ACSL4: variants seen among roughly 807,000 people sequenced by gnomAD.
ACSL4 encodes the protein acyl-CoA synthetase long chain family member 4.
A neutral mutation model predicts 49.1 loss-of-function variants in ACSL4; 9 were observed. The observed-to-expected ratio is 0.18, with a 90% CI of 0.11 to 0.32. The LOEUF is 0.32. Among genes scored for constraint, ACSL4 ranks in the 10% least tolerant of loss-of-function variants. The pLI is 1.00. For missense variants in ACSL4, 333 were observed against 493.7 expected (o/e 0.67, Z 3.08); for synonymous variants, 191 against 170.3 (o/e 1.12, Z -0.95).
chrX:109,726,023 C>T (rs1314149744), intron 1 of ACSL4, among the ~76,000 whole-genome samples: 1 of 111,880 alleles, frequency 8.9e-6, no homozygotes, highest in Non-Finnish European at 1.9e-5. Context: ...AAATCCCAGA[C>T]ATCATATTAT....
intron 1 of ACSL4, among the ~76,000 whole-genome samples, chrX:109,727,535 T>C (rs1222384025): frequency 8.9e-6 from 1 of 111,897 alleles, no homozygotes; most frequent in Non-Finnish European, 1.9e-5. Flanking sequence ...GCATTCCTTA[T>C]TGCTGCTCCT....
intron 5 of ACSL4, 23 bp from the exon 6 acceptor site, chrX:109,681,159 AAC>A: frequency 8.3e-7 from 1 of 1,210,104 alleles, no homozygotes; most frequent in Non-Finnish European, 1.1e-6. Flanking sequence ...AAGAAAAAAA[AAC>A]AGCTATTAAA....
intron 8 of ACSL4, 103 bp from the exon 9 acceptor site, chrX:109,674,576 C>G (rs944229726): frequency 5.2e-6 from 3 of 573,903 alleles, no homozygotes; most frequent in African/African-American, 4.6e-5. Flanking sequence ...GGAATTTGAG[C>G]TTTTATTGCT....
At chrX:109,659,818 T>G (rs1247850433) in intron 14 of ACSL4, among the ~76,000 whole-genome samples, 1 of 110,998 alleles carries the variant, frequency 9.0e-6, no homozygotes, top group Non-Finnish European at 1.9e-5. Context: ...GATATCCACA[T>G]GCAATGAATG....
intron 1 of ACSL4, among the ~76,000 whole-genome samples, chrX:109,701,645 C>T (rs1323808736): frequency 2.0e-5 from 2 of 101,500 alleles, no homozygotes; most frequent in Non-Finnish European, 4.0e-5. Context: ...TCACGGTTCA[C>T]ACCATTCTCC....
chrX:109,708,663 G>C (rs143735086), intron 1 of ACSL4, among the ~76,000 whole-genome samples: 1 of 111,884 alleles, frequency 8.9e-6, no homozygotes, highest in Admixed American at 9.5e-5. Flanking sequence ...ATGTCAAAAC[G>C]TGACTAACAA....
rs187329879 is a variant in ACSL4, at chrX:109,687,624, T to C, written c.-12-4249A>G. 6.6e-4 allele frequency among the ~76,000 whole-genome samples: 74 copies of C among 111,496 alleles called. 1 individual carries two copies. In the Admixed American group the frequency reaches 6.7e-3, roughly 10 times the overall value. On this transcript the variant is annotated intron_variant, in intron 2 of 15. Transcript: ENST00000672401. Reference sequence around the variant, plus strand: ...ATAGCATTAGGAGAAATACCTAACGTAGATGATGGGTTGATGGGTGCAGCA... The same window carrying C: ...ATAGCATTAGGAGAAATACCTAACGCAGATGATGGGTTGATGGGTGCAGCA...
In ACSL4 at chrX:109,713,156, CA is replaced by C. The variant is rs1926878234; in HGVS notation, c.-65-16961del. The stretch of plus-strand genomic sequence containing the variant: ...GTGAAGAGTGCTAAAGCAACATCAG[CA>C]GCTTGTCTATAACGTGCCACTGGGT... On this transcript the variant is annotated intron_variant, in intron 1 of 15. Coordinates refer to ENST00000672401, the MANE Select transcript of ACSL4 (RefSeq NM_001318510.2). 2.7e-5 allele frequency among the ~76,000 whole-genome samples: 3 copies of C among 111,054 alleles called. No homozygotes were observed. In the South Asian group the frequency reaches 1.1e-3, roughly 42 times the overall value.
Position 109,681,124 on chromosome X carries a change from C to G in ACSL4, c.529G>C (p.Asp177His), listed in dbSNP as rs181062385. The part of the protein sequence containing the change: ...LESKLKTALL[D>H]ISCVKHIIYV... ...ATGATATGTTTAACACAACTGATATCTAACAATGCAGTCTGTTGAGCAGAA... is the reference window on the plus strand; with the variant it reads ...ATGATATGTTTAACACAACTGATATGTAACAATGCAGTCTGTTGAGCAGAA... The change falls in exon 6 of 16, where the codon GAT becomes CAT. Residue 177 changes from aspartate to histidine, a missense_variant. Asp to His is a moderately conservative substitution (Grantham distance 81). Transcript: ENST00000672401. 40 of 1,208,512 alleles carry G rather than the reference C, an allele frequency of 3.3e-5. No individual in the cohort carries two copies. In the East Asian group the frequency reaches 1.2e-3, roughly 36 times the overall value.
intron 9 of ACSL4, among the ~76,000 whole-genome samples, chrX:109,670,422 C>T (rs138073216): frequency 0.026 from 2,807 of 108,467 alleles, 85 homozygotes; most frequent in African/African-American, 0.087. Context: ...CCGTCTCTAC[C>T]AAAAATACAA....
Position 109,644,181 on chromosome X carries a change from A to G in ACSL4, c.1861T>C (p.Leu621=). ...TTGATTGGAATTTCAAATCGCTCCA[A>G]TTTCACTGAAATTAGAAGTGAAAGA... ...EIREAANAMK[L]ERFEIPIKVR... The change falls in exon 16 of 16, where the codon TTG becomes CTG. Residue 621 remains leucine (L), a synonymous_variant. Transcript: ENST00000672401. 1 of 1,205,996 alleles carries G rather than the reference A, an allele frequency of 8.3e-7. No individual in the cohort carries two copies. Among genetic ancestry groups the G allele is most frequent in the Non-Finnish European group, 1.1e-6 (1 of 891,660 alleles).
At chrX:109,718,984 A>G (rs1203508555) in intron 1 of ACSL4, among the ~76,000 whole-genome samples, 3 of 111,404 alleles carry the variant, frequency 2.7e-5, no homozygotes, top group Non-Finnish European at 5.6e-5. Flanking sequence ...TGATCCTTCA[A>G]TCAGAGGGGG....
In ACSL4 at chrX:109,643,779, C is replaced by A; in HGVS notation, c.*250G>T. 3.2e-6 allele frequency: 1 copy of A among 310,158 alleles called. No homozygotes were observed. Among genetic ancestry groups the A allele is most frequent in the South Asian group, 7.1e-5 (1 of 14,050 alleles). 25.6% of individuals were successfully genotyped at this position (310,158 alleles called of 1,213,427 possible). On this transcript the variant is annotated 3_prime_UTR_variant, in exon 16 of 16. Coordinates refer to ENST00000672401, the MANE Select transcript of ACSL4 (RefSeq NM_001318510.2). ...TATATCTTAGGCTAATTTTTAAAAACAGAATTTCTGCTCTATAATAACACA... is the reference window on the plus strand; with the variant it reads ...TATATCTTAGGCTAATTTTTAAAAAAAGAATTTCTGCTCTATAATAACACA...
chrX:109,732,366 G>T (rs1025821185), intron 1 of ACSL4, among the ~76,000 whole-genome samples: 2 of 111,486 alleles, frequency 1.8e-5, no homozygotes, highest in Non-Finnish European at 3.8e-5. Flanking sequence ...GTAACCCCTT[G>T]ATGGGGTTAG....
chrX:109,683,415 G>T (rs140779266), intron 2 of ACSL4, 40 bp from the exon 3 acceptor site: 1 of 1,211,221 alleles, frequency 8.3e-7, no homozygotes, highest in South Asian at 1.8e-5. Flanking sequence ...TAAATATAAG[G>T]GCACTGTATA....
chrX:109,695,349 C>A (rs374688719), intron 2 of ACSL4, among the ~76,000 whole-genome samples: 14 of 94,504 alleles, frequency 1.5e-4, no homozygotes, highest in Non-Finnish European at 1.3e-4. Context: ...CATCTTGGGG[C>A]AAAAAAAAAA....
intron 4 of ACSL4, among the ~76,000 whole-genome samples, 177 bp from the exon 5 acceptor site, chrX:109,681,552 C>G (rs191064798): frequency 3.8e-4 from 43 of 111,797 alleles, no homozygotes; most frequent in African/African-American, 1.3e-3. Flanking sequence ...CCCTGGGAGC[C>G]CAAAGTTTTC....
Position 109,658,198 on chromosome X carries a change from G to A in ACSL4, c.1855+1156C>T, listed in dbSNP as rs185406852. On this transcript the variant is annotated intron_variant, in intron 15 of 15. Transcript: ENST00000672401. ...CTTGTCGCTTCAGCTACAAATCTGG[G>A]GGCTATCCTAGACTCCTCTTTTCCC... is the stretch of plus-strand genomic sequence containing the variant. Among the ~76,000 whole-genome samples the A allele has an allele frequency of 3.7e-3, 406 of 111,009 alleles. 9 individuals carry two copies. The highest frequency in any genetic ancestry group is 0.012 in the African/African-American group (371 of 30,372).
intron 2 of ACSL4, among the ~76,000 whole-genome samples, chrX:109,686,779 C>T (rs1164389139): frequency 9.7e-6 from 1 of 103,124 alleles, no homozygotes; most frequent in African/African-American, 3.6e-5. Flanking sequence ...CACGCATGCA[C>T]ACACACACAC....
Sources: gnomAD v4.1 joint callset for allele counts (sites outside exome capture counted in the v4.1 genomes callset) on GRCh38, gnomAD v4.1.1 for gene constraint, MANE v1.5 for transcripts, NCBI Gene and HGNC (gene_info 2026-07-23, HGNC 2026-07-21) for gene names.